STEAP1B: variants seen among roughly 807,000 people sequenced by gnomAD.
STEAP1B encodes the protein STEAP family member 1B, also known as STEAP family protein MGC87042.
In STEAP1B, 13 loss-of-function variants were observed where a neutral mutation model predicts 27.9. That is an observed-to-expected ratio of 0.47 (90% CI 0.30 to 0.74). The LOEUF (loss-of-function observed/expected upper bound fraction) is 0.74. Among genes scored for constraint, STEAP1B ranks in the 30% least tolerant of loss-of-function variants. The pLI is 0.06. For missense variants in STEAP1B, 250 were observed against 298.7 expected (o/e 0.84, Z 1.20); for synonymous variants, 86 against 107.1 (o/e 0.80, Z 1.22).
intron 4 of STEAP1B, among the ~76,000 whole-genome samples, chr7:22,435,302 A>G (rs10250942): frequency 0.28 from 42,295 of 151,718 alleles, 6,994 homozygotes; most frequent in Non-Finnish European, 0.35. Flanking sequence ...TGGAAAGTGT[A>G]ACCATAAGGC....
At chr7:22,432,064 G>C (rs1395402191) in intron 4 of STEAP1B, among the ~76,000 whole-genome samples, 1 of 152,102 alleles carries the variant, frequency 6.6e-6, no homozygotes, top group African/African-American at 2.4e-5. Context: ...TTAGATCATG[G>C]GTAGAACCTT....
At chr7:22,435,853 C>T (rs1785246913) in intron 4 of STEAP1B, among the ~76,000 whole-genome samples, 1 of 152,214 alleles carries the variant, frequency 6.6e-6, no homozygotes, top group South Asian at 2.1e-4. Context: ...CATCTGCCTG[C>T]AGTAGCATCC....
chr7:22,481,361 G>T (rs1174671950), intron 4 of STEAP1B, among the ~76,000 whole-genome samples: 1 of 152,108 alleles, frequency 6.6e-6, no homozygotes, highest in Non-Finnish European at 1.5e-5. Context: ...CTAACCCCTG[G>T]GTGCCTGAGG....
Position 22,467,701 on chromosome 7 carries a change from C to CT in STEAP1B, c.762+24863dup, listed in dbSNP as rs1785810879. 2.0e-5 allele frequency among the ~76,000 whole-genome samples: 3 copies of CT among 152,146 alleles called. No homozygotes were observed. In the South Asian group the frequency reaches 6.2e-4, roughly 32 times the overall value. ...TTGTCTGCTGCCATGTGAGACGTGC[C>CT]TTTTACCTTCCGCCATGATTGTGAG... is the stretch of plus-strand genomic sequence containing the variant. On this transcript the variant is annotated intron_variant, in intron 4 of 4. Coordinates refer to ENST00000678116, the MANE Select transcript of STEAP1B (RefSeq NM_001382447.1).
intron 4 of STEAP1B, among the ~76,000 whole-genome samples, chr7:22,422,823 G>T (rs1213745448): frequency 6.6e-6 from 1 of 152,176 alleles, no homozygotes; most frequent in Non-Finnish European, 1.5e-5. Context: ...AGCAGTCACT[G>T]ACAGTTTAAA....
chr7:22,438,458 C>G, intron 4 of STEAP1B: 1 of 1,534,636 alleles, frequency 6.5e-7, no homozygotes, highest in Non-Finnish European at 8.8e-7. Flanking sequence ...GATGTATGAG[C>G]AGGGAACAAG....
At chr7:22,448,114 C>T (rs1785434178) in intron 4 of STEAP1B, among the ~76,000 whole-genome samples, 1 of 152,180 alleles carries the variant, frequency 6.6e-6, no homozygotes, top group East Asian at 1.9e-4. Context: ...ACATTGTTTA[C>T]TCTCATATCT....
chr7:22,454,863 ATATTTTTTT>A (rs1231999965), intron 4 of STEAP1B, among the ~76,000 whole-genome samples: 1 of 75,116 alleles, frequency 1.3e-5, no homozygotes, highest in African/African-American at 4.7e-5. Context: ...ATATATATAT[ATATTTTTTT>A]TTTTTTTTGA....
chr7:22,442,350 C>T (rs560138847), intron 4 of STEAP1B, among the ~76,000 whole-genome samples: 113 of 152,380 alleles, frequency 7.4e-4, no homozygotes, highest in Non-Finnish European at 1.2e-3. Flanking sequence ...AGACGACAAA[C>T]GTGTTTCTCC....
chr7:22,493,663 A>G lies in STEAP1B; in HGVS notation c.258T>C (p.Phe86=). The G allele has an allele frequency of 1.2e-6, 2 of 1,614,032 alleles. No individual in the cohort carries two copies. The highest frequency in any genetic ancestry group is 1.7e-6 in the Non-Finnish European group (2 of 1,179,882). The change falls in exon 3 of 5, where the codon TTT becomes TTC. Residue 86 remains phenylalanine, a synonymous_variant. Transcript: ENST00000678116. ...KIAAVMASLT[F]LYTLLREVIH... is the part of the protein sequence containing the mutation. ...TTACTTCCCTCAGAAGAGTGTAAAG[A>G]AAAGTCAGAGATGCCATAACAGCAG...
intron 4 of STEAP1B, among the ~76,000 whole-genome samples, chr7:22,424,130 G>A (rs914349707): frequency 3.3e-5 from 5 of 152,090 alleles, no homozygotes; most frequent in African/African-American, 1.2e-4. Context: ...ACCTTCTATC[G>A]ATCTCTGGTT....
chr7:22,463,990 A>C (rs1173961827), intron 4 of STEAP1B, among the ~76,000 whole-genome samples: 1 of 152,042 alleles, frequency 6.6e-6, no homozygotes, highest in African/African-American at 2.4e-5. Flanking sequence ...TCTGCACAGC[A>C]AAAGAAACTA....
chr7:22,493,581 T>C lies in STEAP1B; in HGVS notation c.340A>G (p.Ile114Val). 1 of 1,613,960 alleles carries C rather than the reference T, an allele frequency of 6.2e-7. No homozygotes were observed. Among genetic ancestry groups the C allele is most frequent in the Admixed American group, 1.7e-5 (1 of 60,014 alleles). The change falls in exon 3 of 5, where the codon ATC (isoleucine) becomes GTC (valine). Residue 114 changes from isoleucine (I) to valine (V), a missense_variant. Coordinates refer to ENST00000678116, the MANE Select transcript of STEAP1B (RefSeq NM_001382447.1). The stretch of plus-strand genomic sequence containing the variant: ...GAAACCATTGGCAAGACTTTGTTGA[T>C]GACCAGGATTGGAATTTTATAAAAA... ...QYFYKIPILVINKVLPMVSIT... is the reference protein window; with the variant it reads ...QYFYKIPILVVNKVLPMVSIT...
rs550659638 is a variant in STEAP1B, at chr7:22,430,104, T to C, written c.763-10268A>G. 5.3e-5 allele frequency among the ~76,000 whole-genome samples: 8 copies of C among 152,356 alleles called. No homozygotes were observed. The East Asian group carries it at 1.5e-3, about 29-fold the overall frequency. ...GTTGTGGATATGTGGGCATGCATTC[T>C]TTATAATACAGACATATATGTTTAC... On this transcript the variant is annotated intron_variant, in intron 4 of 4. Coordinates refer to ENST00000678116, the MANE Select transcript of STEAP1B (RefSeq NM_001382447.1).
intron 4 of STEAP1B, among the ~76,000 whole-genome samples, chr7:22,476,991 CCT>C (rs1397600277): frequency 6.6e-6 from 1 of 152,148 alleles, no homozygotes; most frequent in Non-Finnish European, 1.5e-5. Context: ...GCTATGTGGC[CCT>C]CTCCCCAACA....
chr7:22,432,795 T>C (rs967713551), intron 4 of STEAP1B, among the ~76,000 whole-genome samples: 3 of 152,112 alleles, frequency 2.0e-5, no homozygotes, highest in Non-Finnish European at 4.4e-5. Flanking sequence ...GAACGGACAC[T>C]AGGTAGCCAA....
intron 4 of STEAP1B, among the ~76,000 whole-genome samples, chr7:22,450,209 C>T (rs10239840): frequency 0.25 from 37,213 of 147,702 alleles, 4,744 homozygotes; most frequent in East Asian, 0.43. Flanking sequence ...TGTGGAGTAT[C>T]ACTCAAGTGC....
chr7:22,440,193 G>A (rs1031709142), intron 4 of STEAP1B, among the ~76,000 whole-genome samples: 12 of 152,112 alleles, frequency 7.9e-5, no homozygotes, highest in Non-Finnish European at 1.6e-4. Context: ...AGATCGAGGG[G>A]GGAAATTAAC....
intron 4 of STEAP1B, among the ~76,000 whole-genome samples, chr7:22,441,514 G>A (rs1012052809): frequency 6.6e-6 from 1 of 152,204 alleles, no homozygotes; most frequent in Admixed American, 6.5e-5. Context: ...AGTCGCAAAT[G>A]TAAGAAGCGA....
Sources: gnomAD v4.1 joint callset for allele counts (sites outside exome capture counted in the v4.1 genomes callset) on GRCh38, gnomAD v4.1.1 for gene constraint, MANE v1.5 for transcripts, NCBI Gene and HGNC (gene_info 2026-07-23, HGNC 2026-07-21) for gene names.